PAK1: variants seen among roughly 807,000 people sequenced by gnomAD.
PAK1 encodes p21 (RAC1) activated kinase 1.
In PAK1, 29 loss-of-function variants were observed where a neutral mutation model predicts 67.4. The observed-to-expected ratio is 0.43, with a 90% confidence interval of 0.32 to 0.59. The LOEUF is 0.59. Ranked by LOEUF, PAK1 falls within the 20% of genes least tolerant of loss-of-function variation. The pLI is 0.07. For missense variants in PAK1, 337 were observed against 670.7 expected (o/e 0.50, Z 5.50); for synonymous variants, 223 against 237.4 (o/e 0.94, Z 0.56).
At chr11:77,528,598 G>A in the PAK1 span, among the ~76,000 whole-genome samples, 4 of 152,068 alleles carry the variant, frequency 2.6e-5, no homozygotes, top group Admixed American at 2.6e-4. Flanking sequence ...TCCCACCTAG[G>A]CCTCCCAAAG....
chr11:77,324,443 G>C (rs949749217), intron 14 of PAK1, among the ~76,000 whole-genome samples: 7 of 152,224 alleles, frequency 4.6e-5, no homozygotes, highest in Admixed American at 6.5e-5. Context: ...GAAGTGCTGG[G>C]ATAACAGGCA....
the PAK1 span, among the ~76,000 whole-genome samples, chr11:77,528,457 T>G: frequency 2.0e-5 from 3 of 151,962 alleles, no homozygotes; most frequent in Non-Finnish European, 4.4e-5. Flanking sequence ...ACTTCTGGGC[T>G]CAAGTGATTC....
chr11:77,364,817 TAAC>T (rs1449284267), intron 5 of PAK1, among the ~76,000 whole-genome samples: 18 of 152,150 alleles, frequency 1.2e-4, no homozygotes, highest in Admixed American at 8.5e-4. Context: ...TAAGAAAGCC[TAAC>T]AACGAGTGAA....
the PAK1 span, among the ~76,000 whole-genome samples, chr11:77,506,442 T>C: frequency 6.6e-6 from 1 of 152,146 alleles, no homozygotes; most frequent in Non-Finnish European, 1.5e-5. Flanking sequence ...TGCCTGACAA[T>C]TGAGGACATA....
chr11:77,458,800 T>A (rs2135461634), intron 1 of PAK1, among the ~76,000 whole-genome samples: 1 of 152,280 alleles, frequency 6.6e-6, no homozygotes, highest in African/African-American at 2.4e-5. Flanking sequence ...TTGATGAATA[T>A]ATGTCGAGGG....
At chr11:77,330,476 C>T (rs1297370499) in intron 14 of PAK1, among the ~76,000 whole-genome samples, 8 of 152,158 alleles carry the variant, frequency 5.3e-5, no homozygotes, top group African/African-American at 9.6e-5. Flanking sequence ...TCAGAAATAA[C>T]GCCGCATATC....
intron 1 of PAK1, among the ~76,000 whole-genome samples, chr11:77,392,953 G>A (rs472691): frequency 3.3e-5 from 5 of 152,014 alleles, no homozygotes; most frequent in African/African-American, 9.7e-5. Context: ...ATTCCACATA[G>A]TGAGTTCTCT....
At chr11:77,327,510 C>G (rs1394190819) in intron 14 of PAK1, among the ~76,000 whole-genome samples, 2 of 152,072 alleles carry the variant, frequency 1.3e-5, no homozygotes, top group Non-Finnish European at 2.9e-5. Context: ...ATTTTCAACC[C>G]AGAATTTCAT....
the PAK1 span, among the ~76,000 whole-genome samples, chr11:77,526,911 A>G: frequency 2.0e-5 from 3 of 150,158 alleles, no homozygotes; most frequent in African/African-American, 7.4e-5. Flanking sequence ...GTGAGACTCC[A>G]TCGCAAAAAA....
At chr11:77,442,379 C>T (rs956708977) in intron 1 of PAK1, among the ~76,000 whole-genome samples, 3 of 152,176 alleles carry the variant, frequency 2.0e-5, no homozygotes, top group African/African-American at 7.2e-5. Flanking sequence ...GTTTTGATTA[C>T]TCTCCTCTCT....
intron 1 of PAK1, among the ~76,000 whole-genome samples, chr11:77,459,879 G>T (rs193100835): frequency 6.6e-6 from 1 of 151,520 alleles, no homozygotes; most frequent in African/African-American, 2.4e-5. Context: ...TGTGTTTTTA[G>T]TAGAGACGGG....
rs1471951397 is a variant in PAK1 at position 77,323,204 on chromosome 11, G to A, written c.*70C>T. On this transcript the variant is annotated 3_prime_UTR_variant, in exon 15 of 15. Transcript: ENST00000356341. ...AGGCAAGGAGAAGAGGGCATCAGGA[G>A]TTGGAATTTCTGAAATGTGCATTTA... 1 of 1,606,586 alleles carries A rather than the reference G, an allele frequency of 6.2e-7. No homozygotes were observed. The highest frequency in any genetic ancestry group is 1.1e-5 in the South Asian group (1 of 90,018).
At chr11:77,506,833 G>A in the PAK1 span, among the ~76,000 whole-genome samples, 1 of 152,108 alleles carries the variant, frequency 6.6e-6, no homozygotes, top group African/African-American at 2.4e-5. Flanking sequence ...GAGATTGGGG[G>A]GTACATGGGA....
intron 1 of PAK1, among the ~76,000 whole-genome samples, chr11:77,413,220 T>C (rs573407221): frequency 6.6e-6 from 1 of 152,358 alleles, no homozygotes; most frequent in Admixed American, 6.5e-5. Flanking sequence ...ACTTACATTT[T>C]TTAAAAGATC....
chr11:77,461,663 G>T (rs576195031), intron 1 of PAK1, among the ~76,000 whole-genome samples: 2 of 152,236 alleles, frequency 1.3e-5, no homozygotes, highest in African/African-American at 4.8e-5. Flanking sequence ...GTTTATGTAT[G>T]TTTACATACA....
chr11:77,337,204 C>T (rs1010953176), intron 12 of PAK1, 120 bp downstream of exon 12: 4 of 536,508 alleles, frequency 7.5e-6, no homozygotes, highest in Non-Finnish European at 1.0e-5. Context: ...GCCCTCATAT[C>T]CCATGAAATC....
At chr11:77,427,668 T>C (rs1955622407) in intron 1 of PAK1, among the ~76,000 whole-genome samples, 1 of 151,916 alleles carries the variant, frequency 6.6e-6, no homozygotes, top group Non-Finnish European at 1.5e-5. Flanking sequence ...CTGTGTTGAG[T>C]GCATTCAAGG....
At chr11:77,485,177 G>A in the PAK1 span, among the ~76,000 whole-genome samples, 2 of 152,290 alleles carry the variant, frequency 1.3e-5, no homozygotes, top group Admixed American at 6.5e-5. Flanking sequence ...GAGTAGCGGG[G>A]TAGAGGTGGG....
At chr11:77,398,645 G>T (rs537555051) in intron 1 of PAK1, among the ~76,000 whole-genome samples, 244 of 152,310 alleles carry the variant, frequency 1.6e-3, no homozygotes, top group Non-Finnish European at 2.9e-3. Flanking sequence ...CAACAAACAG[G>T]AGTGCAGATA....
Sources: gnomAD v4.1 joint callset for allele counts (sites outside exome capture counted in the v4.1 genomes callset) on GRCh38, gnomAD v4.1.1 for gene constraint, MANE v1.5 for transcripts, NCBI Gene and HGNC (gene_info 2026-07-23, HGNC 2026-07-21) for gene names.